The following PDE10A variants were observed in gnomAD, a reference collection of about 807,000 sequenced individuals.
PDE10A encodes phosphodiesterase 10A, also known as cAMP and cAMP-inhibited cGMP 3',5'-cyclic phosphodiesterase 10A.
Under a neutral mutation model 97.7 loss-of-function variants are expected in PDE10A, and 39 were observed. The ratio of observed to expected loss-of-function variants is 0.40; its 90% confidence interval spans 0.31 to 0.52. The LOEUF is 0.52. Ranked by LOEUF, PDE10A falls within the 20% of genes least tolerant of loss-of-function variation. The probability of loss-of-function intolerance (pLI) is 0.56; values close to 1 mark genes in which losing one functional copy is unlikely to be tolerated. For synonymous variants in PDE10A, 371 were observed against 376.8 expected (o/e 0.98, Z 0.18); for missense variants, 731 against 1,047.8 (o/e 0.70, Z 4.17).
At chr6:165,451,853 G>A (rs1004417998) in intron 3 of PDE10A, among the ~76,000 whole-genome samples, 61 of 152,264 alleles carry the variant, frequency 4.0e-4, no homozygotes, top group African/African-American at 9.1e-4. Flanking sequence ...GAATCAATAC[G>A]TAAATAAGGC....
rs1319893779 is a variant in PDE10A, at chr6:165,509,481, A to G, written c.995-27138T>C. Among the ~76,000 whole-genome samples, 3 of 152,150 alleles carry G rather than the reference A, an allele frequency of 2.0e-5. No homozygotes were observed. In the East Asian group the frequency reaches 5.8e-4, roughly 29 times the overall value. ...GCAATACCATGCTGTCTGGATTGCA[A>G]TCGCCTTGCAATATAATATAAAGGC... On this transcript the variant is annotated intron_variant, in intron 2 of 21. Coordinates refer to ENST00000539869, the MANE Select transcript of PDE10A (RefSeq NM_001385079.1).
chr6:165,855,563 C>G (rs1022321512), intron 1 of PDE10A, among the ~76,000 whole-genome samples: 12 of 149,898 alleles, frequency 8.0e-5, no homozygotes, highest in Non-Finnish European at 1.5e-4. Flanking sequence ...CAGTTCCACC[C>G]AAGGTTAACA....
chr6:165,477,301 A>AG (rs1227765326), intron 3 of PDE10A, among the ~76,000 whole-genome samples: 1 of 108,914 alleles, frequency 9.2e-6, no homozygotes, highest in Non-Finnish European at 2.0e-5. Context: ...TTTTCCTCAA[A>AG]TGTGTTCCCA....
chr6:165,643,376 T>G (rs930497740), intron 1 of PDE10A, among the ~76,000 whole-genome samples: 5 of 152,096 alleles, frequency 3.3e-5, no homozygotes, highest in Non-Finnish European at 5.9e-5. Flanking sequence ...ATAAAGAGTC[T>G]CCCACATTCA....
At chr6:165,982,800 TCC>T (rs1472751396) in intron 1 of PDE10A, among the ~76,000 whole-genome samples, 1 of 152,186 alleles carries the variant, frequency 6.6e-6, no homozygotes, top group Non-Finnish European at 1.5e-5. Flanking sequence ...TTTCCACATG[TCC>T]ATTCAGTTAT....
At chr6:165,846,831 C>T (rs923933419) in intron 1 of PDE10A, among the ~76,000 whole-genome samples, 1 of 152,206 alleles carries the variant, frequency 6.6e-6, no homozygotes, top group Non-Finnish European at 1.5e-5. Flanking sequence ...GAAGAAATCC[C>T]GGACGCCTGA....
intron 1 of PDE10A, chr6:165,909,103 GA>G (rs372699790): frequency 5.5e-4 from 82 of 148,992 alleles, no homozygotes; most frequent in Non-Finnish European, 5.2e-4. Context: ...TGGAAATGTT[GA>G]AAAAAAAAAT....
intron 1 of PDE10A, among the ~76,000 whole-genome samples, chr6:165,675,739 G>A (rs1322290697): frequency 6.6e-6 from 1 of 152,162 alleles, no homozygotes; most frequent in East Asian, 1.9e-4. Context: ...TGTCTACTAC[G>A]CACCAGGATT....
At chr6:165,845,474 A>G (rs1780388643) in intron 1 of PDE10A, among the ~76,000 whole-genome samples, 1 of 152,258 alleles carries the variant, frequency 6.6e-6, no homozygotes, top group South Asian at 2.1e-4. Context: ...CACAAACCAC[A>G]TTCTCAGGGG....
intron 1 of PDE10A, among the ~76,000 whole-genome samples, chr6:165,564,527 A>T (rs1367266341): frequency 6.6e-6 from 1 of 152,202 alleles, no homozygotes; most frequent in Non-Finnish European, 1.5e-5. Flanking sequence ...ACCTATGGCC[A>T]CCTGCCCCGG....
At chr6:165,463,135 C>T (rs756941240) in intron 3 of PDE10A, among the ~76,000 whole-genome samples, 5 of 152,186 alleles carry the variant, frequency 3.3e-5, no homozygotes, top group African/African-American at 7.2e-5. Flanking sequence ...CGAGCCACAG[C>T]CACACTACGT....
intron 1 of PDE10A, among the ~76,000 whole-genome samples, chr6:165,852,114 G>A (rs747413072): frequency 3.8e-4 from 58 of 152,122 alleles, no homozygotes; most frequent in Middle Eastern, 6.8e-3. Flanking sequence ...TTTTTTCTAC[G>A]AAAGAAGAAA....
At chr6:165,795,676 C>T (rs1183984519) in intron 1 of PDE10A, among the ~76,000 whole-genome samples, 2 of 152,104 alleles carry the variant, frequency 1.3e-5, no homozygotes, top group South Asian at 2.1e-4. Context: ...CGCTTGAACT[C>T]GGGAGGTGGA....
At chr6:165,794,094 G>C (rs915320127) in intron 1 of PDE10A, among the ~76,000 whole-genome samples, 14 of 149,842 alleles carry the variant, frequency 9.3e-5, no homozygotes, top group African/African-American at 3.2e-4. Context: ...TTATTGTGAT[G>C]CAACATGGTT....
chr6:165,550,423 T>C (rs993900826), intron 1 of PDE10A, among the ~76,000 whole-genome samples: 1 of 152,206 alleles, frequency 6.6e-6, no homozygotes, highest in Non-Finnish European at 1.5e-5. Context: ...AGTCCAACTG[T>C]AAGATAAATT....
intron 1 of PDE10A, among the ~76,000 whole-genome samples, chr6:165,943,258 G>A (rs187266273): frequency 0.075 from 5,621 of 75,110 alleles, 784 homozygotes; most frequent in African/African-American, 0.13. Context: ...AAGGAAGGAA[G>A]GAAGGAAGGA....
intron 1 of PDE10A, among the ~76,000 whole-genome samples, chr6:165,925,179 A>C (rs1025084961): frequency 5.9e-5 from 9 of 152,232 alleles, no homozygotes; most frequent in Non-Finnish European, 1.3e-4. Flanking sequence ...AATGCAGATT[A>C]AAGCCTCAAT....
chr6:165,859,188 A>G (rs1255944241), intron 1 of PDE10A, among the ~76,000 whole-genome samples: 1 of 152,238 alleles, frequency 6.6e-6, no homozygotes, highest in Non-Finnish European at 1.5e-5. Context: ...TGATTCATGA[A>G]CACTGAAACT....
rs1790650477 is a variant in PDE10A at position 165,671,662 on chromosome 6, G to A, written c.-614-128094C>T. Among the ~76,000 whole-genome samples the A allele has an allele frequency of 6.6e-6, 1 of 151,902 alleles. No individual in the cohort carries two copies. Among genetic ancestry groups the A allele is most frequent in the Non-Finnish European group, 1.5e-5 (1 of 67,988 alleles). On this transcript the variant is annotated intron_variant, in intron 1 of 19. Coordinates refer to the PDE10A transcript ENST00000366882. The surrounding 1 kb of genome is among the most constrained non-coding windows in gnomAD (Gnocchi z 4.6). The stretch of plus-strand genomic sequence containing the variant: ...CTCGTTTTATAGATTTCACACACAT[G>A]GATTATAAAACGGATGAAAAGCAGC...
Sources: allele counts gnomAD v4.1 joint callset (sites outside exome capture counted in the v4.1 genomes callset), GRCh38; gene constraint gnomAD v4.1.1; non-coding constraint Gnocchi (gnomAD v3.1); transcripts MANE v1.5; gene names NCBI Gene and HGNC (gene_info 2026-07-23, HGNC 2026-07-21).